Variants in MRPL54 observed in about 807,000 individuals in gnomAD.
MRPL54 encodes the protein large ribosomal subunit protein mL54.
Under a neutral mutation model 15.6 loss-of-function variants are expected in MRPL54, and 12 were observed. The observed-to-expected ratio is 0.77, with a 90% CI of 0.49 to 1.24. MRPL54 has a LOEUF of 1.24. Among genes scored for constraint, MRPL54 ranks in the 50% most tolerant of loss-of-function variants. The pLI is 0.00. For synonymous variants in MRPL54, 91 were observed against 75.7 expected (o/e 1.20, Z -1.05); for missense variants, 178 against 186.8 (o/e 0.95, Z 0.28).
At chr19:3,762,910 C>A in intron 1 of MRPL54, 92 bp downstream of exon 1, 2 of 1,086,822 alleles carry the variant, frequency 1.8e-6, no homozygotes, top group Non-Finnish European at 2.6e-6. Flanking sequence ...GGTGCTAGAA[C>A]TGATGCGCAA....
intron 1 of MRPL54, 35 bp from the exon 2 acceptor site, chr19:3,765,131 C>G (rs1271171450): frequency 6.3e-7 from 1 of 1,580,182 alleles, no homozygotes; most frequent in Non-Finnish European, 8.6e-7. Context: ...AGAGGAGGGG[C>G]TGGGCTGAAA....
In MRPL54 at chr19:3,767,565, A is replaced by G. The variant is rs1221764405; in HGVS notation, c.*172A>G. The G allele has an allele frequency of 1.5e-5, 13 of 874,540 alleles. No homozygotes were observed. Among genetic ancestry groups the G allele is most frequent in the Admixed American group, 3.3e-5 (1 of 30,124 alleles). The allele number at this position is 874,540 out of a possible 1,614,324, so 54.2% of individuals were successfully genotyped here. A position where few individuals can be genotyped will look rare whatever the true frequency, so the allele number is the denominator to read the frequency against. ...ATAAAGAGCTTTCTGGGTAGACCCTATTTCCCCTTGGTATTGTCTGGTGTC... is the reference window on the plus strand; with the variant it reads ...ATAAAGAGCTTTCTGGGTAGACCCTGTTTCCCCTTGGTATTGTCTGGTGTC... On this transcript the variant is annotated 3_prime_UTR_variant, in exon 3 of 3. Transcript: ENST00000330133.
Position 3,762,741 on chromosome 19 carries a change from C to A in MRPL54, c.41C>A (p.Ala14Asp). ...CTTTTCGGGGCTACCCGGACGTGGG[C>A]CGGCTGGGGGGCCTGGGAGCTCCTA... is the stretch of plus-strand genomic sequence containing the variant. ...KRLFGATRTWAGWGAWELLNP... is the reference protein window; with the variant it reads ...KRLFGATRTWDGWGAWELLNP... Residue 14 changes from alanine (A) to aspartate (D), a missense_variant, in exon 1 of 3, where the codon GCC (alanine) becomes GAC (aspartate). Physicochemically the swap from Ala to Asp is moderately radical, Grantham distance 126. Transcript: ENST00000330133. 1 of 1,611,208 alleles carries A rather than the reference C, an allele frequency of 6.2e-7. No homozygotes were observed. Among genetic ancestry groups the A allele is most frequent in the Non-Finnish European group, 8.5e-7 (1 of 1,178,854 alleles).
chr19:3,762,933 G>T, intron 1 of MRPL54, 115 bp downstream of exon 1: 2 of 875,360 alleles, frequency 2.3e-6, no homozygotes, highest in South Asian at 1.9e-5. Flanking sequence ...GCAGAGAGGC[G>T]GATGCCAGGC....
intron 2 of MRPL54, among the ~76,000 whole-genome samples, chr19:3,766,060 C>CGCCACCAT (rs747238574): frequency 1.9e-4 from 28 of 151,094 alleles, no homozygotes; most frequent in Non-Finnish European, 3.4e-4. Context: ...TACAGGCATG[C>CGCCACCAT]GCCACCATGC....
At chr19:3,766,640 G>A (rs2037200495) in intron 2 of MRPL54, among the ~76,000 whole-genome samples, 1 of 152,228 alleles carries the variant, frequency 6.6e-6, no homozygotes, top group African/African-American at 2.4e-5. Context: ...ACAGGAAGGA[G>A]GAAGTCAGGC....
chr19:3,767,450 G>A lies in MRPL54; in HGVS notation c.*57G>A. On this transcript the variant is annotated 3_prime_UTR_variant, in exon 3 of 3. Transcript: ENST00000330133. ...CCGAGGGCTTGCCGTTTTCCCGGAG[G>A]ACGTGGACTTTTGTGAGACAAGAGG... 1 of 1,589,598 alleles carries A rather than the reference G, an allele frequency of 6.3e-7. No homozygotes were observed. Among genetic ancestry groups the A allele is most frequent in the Non-Finnish European group, 8.5e-7 (1 of 1,172,960 alleles).
intron 2 of MRPL54, among the ~76,000 whole-genome samples, chr19:3,767,057 G>A (rs1025294591): frequency 6.6e-6 from 1 of 152,306 alleles, no homozygotes; most frequent in South Asian, 2.1e-4. Flanking sequence ...AGCCTCAGAT[G>A]TGCCACTGGG....
At chr19:3,763,161 C>T (rs2037167423) in intron 1 of MRPL54, among the ~76,000 whole-genome samples, 1 of 152,212 alleles carries the variant, frequency 6.6e-6, no homozygotes, top group East Asian at 1.9e-4. Flanking sequence ...ACTTGGGTTC[C>T]AGTTCTGTTT....
rs377660541 is a variant in MRPL54 at position 3,767,426 on chromosome 19, C to T, written c.*33C>T. The stretch of plus-strand genomic sequence containing the variant: ...GGCCCGGCATCGCTGACCCCCACGC[C>T]GAGGGCTTGCCGTTTTCCCGGAGGA... On this transcript the variant is annotated 3_prime_UTR_variant, in exon 3 of 3. Transcript: ENST00000330133. The T allele has an allele frequency of 2.8e-4, 440 of 1,595,568 alleles. 4 individuals are homozygous for T. The South Asian group carries it at 4.5e-3, about 16-fold the overall frequency.
At chr19:3,764,500 C>T (rs867217781) in intron 1 of MRPL54, among the ~76,000 whole-genome samples, 6 of 150,108 alleles carry the variant, frequency 4.0e-5, no homozygotes, top group South Asian at 4.3e-4. Context: ...CTCCGCCTCC[C>T]GGGTTCAAGT....
chr19:3,766,474 A>G (rs2037199056), intron 2 of MRPL54, among the ~76,000 whole-genome samples: 1 of 152,224 alleles, frequency 6.6e-6, no homozygotes, highest in African/African-American at 2.4e-5. Flanking sequence ...TCGGCCTCCC[A>G]AAGTGCTGGG....
At chr19:3,764,895 G>T (rs1044592592) in intron 1 of MRPL54, among the ~76,000 whole-genome samples, 1 of 151,898 alleles carries the variant, frequency 6.6e-6, no homozygotes, top group South Asian at 2.1e-4. Flanking sequence ...GGGCGTGGTG[G>T]TGGGCGCCTG....
Position 3,765,162 on chromosome 19 carries a change from C to G in MRPL54, c.119-4C>G. 1 of 1,608,224 alleles carries G rather than the reference C, an allele frequency of 6.2e-7. No homozygotes were observed. Among genetic ancestry groups the G allele is most frequent in the Non-Finnish European group, 8.5e-7 (1 of 1,177,278 alleles). ...TGAAATGACTCTCCCTCTCGTCTCC[C>G]CAGTTATGAAGGGGGCCAAATCGGG... is the stretch of plus-strand genomic sequence containing the variant. On this transcript the variant is annotated splice_region_variant and splice_polypyrimidine_tract_variant and intron_variant, in intron 1 of 2. Coordinates refer to ENST00000330133, the MANE Select transcript of MRPL54 (RefSeq NM_172251.3).
chr19:3,763,122 G>T (rs970792905), intron 1 of MRPL54, among the ~76,000 whole-genome samples: 2 of 152,232 alleles, frequency 1.3e-5, no homozygotes, highest in African/African-American at 2.4e-5. Flanking sequence ...GGTTGGAAAG[G>T]ATTTGAAGGG....
intron 2 of MRPL54, among the ~76,000 whole-genome samples, chr19:3,766,289 G>A (rs1438001236): frequency 6.6e-6 from 1 of 152,048 alleles, no homozygotes; most frequent in African/African-American, 2.4e-5. Context: ...TGTTTGCCAG[G>A]CTAGTCTCGA....
intron 2 of MRPL54, among the ~76,000 whole-genome samples, chr19:3,765,761 G>A (rs530123105): frequency 1.6e-4 from 25 of 151,908 alleles, no homozygotes; most frequent in African/African-American, 6.0e-4. Flanking sequence ...AGCCGGGTGT[G>A]GTGGCACATT....
intron 1 of MRPL54, 88 bp from the exon 2 acceptor site, chr19:3,765,078 G>C (rs2037186183): frequency 7.3e-7 from 1 of 1,375,308 alleles, no homozygotes; most frequent in Non-Finnish European, 9.8e-7. Flanking sequence ...GCCAGGGGCA[G>C]AGGCCACCTG....
chr19:3,764,901 G>A (rs113337058), intron 1 of MRPL54, among the ~76,000 whole-genome samples: 1,961 of 151,818 alleles, frequency 0.013, 13 homozygotes, highest in Non-Finnish European at 0.017. Context: ...GGTGGTGGGC[G>A]CCTGTAGTCC....
Sources: gnomAD v4.1 joint callset for allele counts (sites outside exome capture counted in the v4.1 genomes callset) on GRCh38, gnomAD v4.1.1 for gene constraint, MANE v1.5 for transcripts, NCBI Gene and HGNC (gene_info 2026-07-23, HGNC 2026-07-21) for gene names.